SUMF1: variants seen among roughly 807,000 people sequenced by gnomAD.
SUMF1 encodes sulfatase modifying factor 1.
SUMF1 carries 48 observed loss-of-function variants against 47.6 expected under a neutral mutation model. The ratio of observed to expected loss-of-function variants is 1.01; its 90% CI spans 0.80 to 1.28. The LOEUF (loss-of-function observed/expected upper bound fraction) is 1.28, where lower values mean the gene tolerates loss of function less well. Ranked by LOEUF, SUMF1 falls within the 50% of genes most tolerant of loss-of-function variation. The pLI, the probability that SUMF1 is intolerant of heterozygous loss-of-function variation, is 0.00. For missense variants in SUMF1, 571 were observed against 485.4 expected, an observed-to-expected ratio of 1.18 and a Z score of -1.66; for synonymous variants, 230 against 192.1, an observed-to-expected ratio of 1.20 and a Z score of -1.63.
chr3:4,299,403 C>T (rs1697919018), intron 8 of SUMF1, among the ~76,000 whole-genome samples: 1 of 152,196 alleles, frequency 6.6e-6, no homozygotes. Context: ...CCAAGTGTGG[C>T]CAGTGACAGT....
At chr3:4,220,486 T>C (rs1696037262) in intron 8 of SUMF1, among the ~76,000 whole-genome samples, 1 of 152,088 alleles carries the variant, frequency 6.6e-6, no homozygotes, top group African/African-American at 2.4e-5. Context: ...CAGAATGTAT[T>C]ATCTAGGACG....
intron 8 of SUMF1, among the ~76,000 whole-genome samples, chr3:4,142,755 C>A (rs2125097912): frequency 6.7e-6 from 1 of 150,354 alleles, no homozygotes; most frequent in East Asian, 2.0e-4. Flanking sequence ...AGGATTCCCT[C>A]ACAGCCCTCA....
intron 8 of SUMF1, among the ~76,000 whole-genome samples, chr3:4,331,837 TTAAA>T (rs199846158): frequency 1.4e-4 from 21 of 151,920 alleles, no homozygotes; most frequent in Admixed American, 1.4e-3. Flanking sequence ...CTCCAAAAAA[TTAAA>T]TAAATAAATA....
intron 8 of SUMF1, among the ~76,000 whole-genome samples, chr3:4,223,683 CA>C (rs1474099782): frequency 6.6e-6 from 1 of 152,088 alleles, no homozygotes; most frequent in Non-Finnish European, 1.5e-5. Flanking sequence ...ATTCACCCTC[CA>C]AAATTATCCC....
intron 9 of SUMF1, among the ~76,000 whole-genome samples, chr3:4,054,802 A>C (rs1368118623): frequency 1.3e-5 from 2 of 152,190 alleles, no homozygotes; most frequent in East Asian, 1.9e-4. Context: ...TGAGCTGTTA[A>C]TTTGCACCAG....
intron 9 of SUMF1, among the ~76,000 whole-genome samples, chr3:4,043,920 A>C (rs1694960062): frequency 6.6e-6 from 1 of 152,110 alleles, no homozygotes; most frequent in Admixed American, 6.6e-5. Flanking sequence ...TACTGGCAAT[A>C]AAATCAACTC....
intron 8 of SUMF1, among the ~76,000 whole-genome samples, chr3:4,138,837 A>T (rs1694006810): frequency 6.6e-6 from 1 of 152,068 alleles, no homozygotes; most frequent in South Asian, 2.1e-4. Context: ...GAATTACTAA[A>T]TCTGAGGATG....
intron 8 of SUMF1, chr3:4,312,767 C>G: frequency 3.2e-6 from 3 of 925,296 alleles, no homozygotes; most frequent in Non-Finnish European, 4.7e-6. Flanking sequence ...TCTTAGTATG[C>G]TGTGTTTTGA....
intron 8 of SUMF1, among the ~76,000 whole-genome samples, chr3:4,221,979 G>GA (rs1696076019): frequency 2.0e-5 from 3 of 150,546 alleles, no homozygotes; most frequent in Admixed American, 1.3e-4. Flanking sequence ...TTTATAATGA[G>GA]AAAAAAAGCA....
chr3:4,138,952 T>C (rs1574917859), intron 8 of SUMF1, among the ~76,000 whole-genome samples: 1 of 152,092 alleles, frequency 6.6e-6, no homozygotes, highest in Admixed American at 6.6e-5. Flanking sequence ...TGACATAGTA[T>C]GGTAATGAGC....
chr3:4,104,331 TTGTGAGTC>T (rs1216599395), intron 8 of SUMF1, among the ~76,000 whole-genome samples: 1 of 152,108 alleles, frequency 6.6e-6, no homozygotes, highest in African/African-American at 2.4e-5. Context: ...TCATGTGGAA[TTGTGAGTC>T]CATTAGACCT....
At chr3:4,181,445 G>T (rs1184945930) in intron 8 of SUMF1, among the ~76,000 whole-genome samples, 1 of 152,042 alleles carries the variant, frequency 6.6e-6, no homozygotes, top group Non-Finnish European at 1.5e-5. Context: ...ATCTTCTTGG[G>T]GATTTCAGTC....
intron 8 of SUMF1, among the ~76,000 whole-genome samples, chr3:4,193,166 A>C (rs1695356652): frequency 6.6e-6 from 1 of 152,154 alleles, no homozygotes; most frequent in Non-Finnish European, 1.5e-5. Context: ...AGGCATATGT[A>C]GATAGTGAGC....
chr3:4,200,737 T>G lies in SUMF1; in HGVS notation c.1015-131992A>C, dbSNP rs562900446. Reference sequence around the variant, plus strand: ...ATGTACCTATCTATCTGTCTATCCATACTATCCATACAGGATTCTGTCTCT... The same window carrying G: ...ATGTACCTATCTATCTGTCTATCCAGACTATCCATACAGGATTCTGTCTCT... On this transcript the variant is annotated intron_variant and NMD_transcript_variant, in intron 8 of 12. Transcript: ENST00000448413. 8.5e-4 allele frequency among the ~76,000 whole-genome samples: 129 copies of G among 152,224 alleles called. 1 individual carries two copies. The highest frequency in any genetic ancestry group is 5.9e-3 in the Admixed American group (90 of 15,264).
intron 8 of SUMF1, among the ~76,000 whole-genome samples, chr3:4,211,203 CATATAT>C (rs57172340): frequency 6.1e-5 from 6 of 98,180 alleles, no homozygotes; most frequent in African/African-American, 1.6e-4. Flanking sequence ...TACATACATA[CATATAT>C]ATATATATAT....
intron 9 of SUMF1, among the ~76,000 whole-genome samples, chr3:4,062,079 C>T (rs1292810728): frequency 6.6e-6 from 1 of 152,080 alleles, no homozygotes; most frequent in Admixed American, 6.6e-5. Context: ...CCCCCTTCCT[C>T]ATAGCACCCT....
chr3:4,084,108 C>T (rs1248508416), intron 8 of SUMF1, among the ~76,000 whole-genome samples: 3 of 152,014 alleles, frequency 2.0e-5, no homozygotes, highest in African/African-American at 4.8e-5. Context: ...AATGAATTTG[C>T]TGGTTATCTG....
At chr3:4,316,780 A>G in intron 8 of SUMF1, 3 of 1,550,810 alleles carry the variant, frequency 1.9e-6, no homozygotes, top group Non-Finnish European at 2.6e-6. Context: ...CACCCAAAAA[A>G]GGTCATGGTC....
chr3:4,042,409 C>T (rs1458878013), intron 9 of SUMF1, among the ~76,000 whole-genome samples: 2 of 151,984 alleles, frequency 1.3e-5, no homozygotes, highest in Admixed American at 6.6e-5. Context: ...TTCTCATATT[C>T]GTATACCTGA....
Sources: gnomAD v4.1 joint callset for allele counts (sites outside exome capture counted in the v4.1 genomes callset) on GRCh38, gnomAD v4.1.1 for gene constraint, MANE v1.5 for transcripts, NCBI Gene and HGNC (gene_info 2026-07-23, HGNC 2026-07-21) for gene names.